Variants in DTNA observed in about 807,000 individuals in gnomAD.
DTNA encodes the protein dystrophin-related protein 3.
DTNA carries 43 observed loss-of-function variants against 100.7 expected under a neutral mutation model. The ratio of observed to expected loss-of-function variants is 0.43; its 90% CI spans 0.33 to 0.55. The LOEUF (loss-of-function observed/expected upper bound fraction) is 0.55, where lower values mean the gene tolerates loss of function less well. Among genes scored for constraint, DTNA ranks in the 20% least tolerant of loss-of-function variants. The pLI is 0.04. For synonymous variants in DTNA, 349 were observed against 347.9 expected (o/e 1.00, Z -0.04); for missense variants, 798 against 953.9 (o/e 0.84, Z 2.15).
intron 1 of DTNA, among the ~76,000 whole-genome samples, chr18:34,502,287 A>G (rs921080994): frequency 6.6e-6 from 1 of 152,038 alleles, no homozygotes; most frequent in African/African-American, 2.4e-5. Context: ...AGAGGATTTC[A>G]ATTTTATTCA....
chr18:34,755,259 G>A (rs1249689484), intron 1 of DTNA, among the ~76,000 whole-genome samples: 1 of 152,100 alleles, frequency 6.6e-6, no homozygotes, highest in Admixed American at 6.6e-5. Context: ...TCAAGCTGAA[G>A]TTTATTTTTT....
intron 1 of DTNA, among the ~76,000 whole-genome samples, chr18:34,731,841 GGA>G (rs1056418192): frequency 1.3e-5 from 2 of 152,194 alleles, no homozygotes; most frequent in African/African-American, 4.8e-5. Context: ...TGTTAAATGT[GGA>G]GAGTTTTTCT....
At chr18:34,715,093 A>G (rs1400784965) in intron 1 of DTNA, among the ~76,000 whole-genome samples, 1 of 151,284 alleles carries the variant, frequency 6.6e-6, no homozygotes, top group Non-Finnish European at 1.5e-5. Flanking sequence ...GCATTGGGAG[A>G]TATACCTAAT....
At chr18:34,782,511 G>A (rs1467042496) in intron 3 of DTNA, among the ~76,000 whole-genome samples, 2 of 152,158 alleles carry the variant, frequency 1.3e-5, no homozygotes, top group African/African-American at 2.4e-5. Context: ...AGTGCTCTGG[G>A]AGCAACAAAA....
At chr18:34,773,561 A>G (rs1487416794) in intron 3 of DTNA, among the ~76,000 whole-genome samples, 16 of 152,214 alleles carry the variant, frequency 1.1e-4, no homozygotes, top group Non-Finnish European at 1.0e-4. Flanking sequence ...TTTTTACTAC[A>G]TATTTTCATT....
intron 1 of DTNA, among the ~76,000 whole-genome samples, chr18:34,534,604 A>G (rs2043490480): frequency 6.6e-6 from 1 of 151,860 alleles, no homozygotes; most frequent in Non-Finnish European, 1.5e-5. Context: ...TTTAAGCCCC[A>G]TATGCATTTG....
intron 1 of DTNA, among the ~76,000 whole-genome samples, chr18:34,753,366 ATTTTTTTTTTTTT>A (rs757853063): frequency 0.036 from 4,775 of 133,126 alleles, 557 homozygotes; most frequent in African/African-American, 0.14. Context: ...TATTTATTTT[ATTTTTTTTTTTTT>A]TTTATTTTTT....
At chr18:34,870,789 G>A (rs551638410) in intron 17 of DTNA, among the ~76,000 whole-genome samples, 16 of 152,148 alleles carry the variant, frequency 1.1e-4, no homozygotes, top group African/African-American at 3.4e-4. Flanking sequence ...GCTGTTCCCA[G>A]GTTGCTCTGC....
intron 5 of DTNA, 29 bp downstream of exon 5, chr18:34,806,333 T>C: frequency 6.3e-7 from 1 of 1,595,814 alleles, no homozygotes; most frequent in Admixed American, 1.7e-5. Context: ...TGTGTCTGTT[T>C]GCTTTTCCTT....
intron 3 of DTNA, among the ~76,000 whole-genome samples, chr18:34,769,724 G>GTTTTTTTTTTT (rs1264439291): frequency 2.4e-5 from 1 of 41,416 alleles, no homozygotes; most frequent in African/African-American, 5.1e-5. Context: ...GCCCTCTGGG[G>GTTTTTTTTTTT]CTTTTTTTTT....
At chr18:34,771,872 C>G (rs111372647) in intron 3 of DTNA, among the ~76,000 whole-genome samples, 1 of 151,956 alleles carries the variant, frequency 6.6e-6, no homozygotes, top group African/African-American at 2.4e-5. Flanking sequence ...TTATTTTAGA[C>G]AAATAGCTGT....
chr18:34,764,416 C>A (rs1188638185), intron 2 of DTNA, among the ~76,000 whole-genome samples: 1 of 152,162 alleles, frequency 6.6e-6, no homozygotes, highest in Admixed American at 6.6e-5. Flanking sequence ...AATAATCCTA[C>A]GTGGCCATTG....
At chr18:34,625,428 T>C (rs990591098) in intron 1 of DTNA, among the ~76,000 whole-genome samples, 2 of 152,050 alleles carry the variant, frequency 1.3e-5, no homozygotes, top group African/African-American at 4.8e-5. Flanking sequence ...CTGCCTCAGC[T>C]TCCCAAAGTG....
intron 1 of DTNA, among the ~76,000 whole-genome samples, chr18:34,540,970 A>G (rs1402567267): frequency 6.6e-6 from 1 of 152,042 alleles, no homozygotes; most frequent in Non-Finnish European, 1.5e-5. Context: ...TAATTGACCT[A>G]AGGACCTGTT....
intron 17 of DTNA, chr18:34,865,998 C>A: frequency 8.4e-7 from 1 of 1,195,784 alleles, no homozygotes; most frequent in Non-Finnish European, 1.2e-6. Context: ...GAGGCCTGGA[C>A]CTGCCGTCAA....
At chr18:34,574,081 A>G (rs982146411) in intron 1 of DTNA, 1 of 152,482 alleles carries the variant, frequency 6.6e-6, no homozygotes, top group Non-Finnish European at 1.5e-5. Context: ...CTGACAGTGA[A>G]GTGGATGTTA....
Position 34,877,775 on chromosome 18 carries a change from A to G in DTNA, c.1960A>G (p.Thr654Ala). The G allele has an allele frequency of 6.2e-7, 1 of 1,613,900 alleles. No homozygotes were observed. Among genetic ancestry groups the G allele is most frequent in the Admixed American group, 1.7e-5 (1 of 60,020 alleles). Reference sequence around the variant, plus strand: ...AGTGGCTGCAGATTCCATCACTAACACTATGTCCTCTCTTGTGAAAGAGCT... The same window carrying G: ...AGTGGCTGCAGATTCCATCACTAACGCTATGTCCTCTCTTGTGAAAGAGCT... ...LLVAADSITN[T>A]MSSLVKELNS... The change falls in exon 19 of 23, where the codon ACT becomes GCT. Residue 654 changes from threonine (T) to alanine (A), a missense_variant. By Grantham distance (58) the Thr-to-Ala change is moderately conservative. This residue lies in a region of DTNA where 242 missense variants were observed against 238.2 expected (regional missense o/e 1.02). Transcript: ENST00000444659.
intron 13 of DTNA, among the ~76,000 whole-genome samples, chr18:34,844,272 A>C (rs1024119000): frequency 6.6e-6 from 1 of 152,112 alleles, no homozygotes; most frequent in Non-Finnish European, 1.5e-5. Flanking sequence ...GTTATCCATG[A>C]AGATTGCCAT....
At chr18:34,718,162 T>A (rs1214229205) in intron 1 of DTNA, among the ~76,000 whole-genome samples, 2 of 152,040 alleles carry the variant, frequency 1.3e-5, no homozygotes, top group Non-Finnish European at 2.9e-5. Context: ...AATATGCAAG[T>A]TTTTCAAACA....
Sources: gnomAD v4.1 joint callset for allele counts (sites outside exome capture counted in the v4.1 genomes callset) on GRCh38, gnomAD v4.1.1 for gene constraint, gnomAD v4.1.1 regional missense constraint, MANE v1.5 for transcripts, NCBI Gene and HGNC (gene_info 2026-07-23, HGNC 2026-07-21) for gene names.